NKAIN2: variants seen among roughly 807,000 people sequenced by gnomAD.
The protein encoded by NKAIN2 is sodium/potassium-transporting ATPase subunit beta-1-interacting protein 2.
A neutral mutation model predicts 32.6 loss-of-function variants in NKAIN2; 14 were observed. The ratio of observed to expected loss-of-function variants is 0.43; its 90% CI spans 0.28 to 0.67. The LOEUF is 0.67. Among genes scored for constraint, NKAIN2 ranks in the 30% least tolerant of loss-of-function variants. NKAIN2 has a pLI of 0.17. For missense variants in NKAIN2, 198 were observed against 258.3 expected (o/e 0.77, Z 1.60); for synonymous variants, 80 against 87.2 (o/e 0.92, Z 0.46).
chr6:124,058,980 T>A (rs527428801), intron 1 of NKAIN2, among the ~76,000 whole-genome samples: 4 of 152,034 alleles, frequency 2.6e-5, no homozygotes, highest in African/African-American at 9.6e-5. Context: ...GTACTATTAA[T>A]AATAAGTTAG....
chr6:124,082,564 T>A (rs971478037), intron 1 of NKAIN2, among the ~76,000 whole-genome samples: 1 of 151,868 alleles, frequency 6.6e-6, no homozygotes, highest in Non-Finnish European at 1.5e-5. Flanking sequence ...TTAAAATTTT[T>A]AAAAAAACAT....
At chr6:124,600,431 G>C (rs11154249) in intron 3 of NKAIN2, among the ~76,000 whole-genome samples, 318 of 151,910 alleles carry the variant, frequency 2.1e-3, no homozygotes, top group African/African-American at 7.4e-3. Flanking sequence ...GATTTATATC[G>C]TATGAAACAT....
At chr6:124,244,436 C>T (rs1435058821) in intron 1 of NKAIN2, among the ~76,000 whole-genome samples, 1 of 151,868 alleles carries the variant, frequency 6.6e-6, no homozygotes, top group Non-Finnish European at 1.5e-5. Flanking sequence ...TTTTTTATGG[C>T]TGCATAGTAT....
chr6:124,125,147 C>G (rs1023800588), intron 1 of NKAIN2, among the ~76,000 whole-genome samples: 3 of 152,010 alleles, frequency 2.0e-5, no homozygotes, highest in Non-Finnish European at 4.4e-5. Flanking sequence ...AAGTCCTTTC[C>G]ATAAATAAAC....
At chr6:124,804,611 C>A (rs1780433945) in intron 5 of NKAIN2, 1 of 155,722 alleles carries the variant, frequency 6.4e-6, no homozygotes, top group African/African-American at 2.4e-5. Flanking sequence ...GTACCAGGTT[C>A]ATCTCACTAG....
chr6:123,828,179 C>A (rs1207226407), intron 1 of NKAIN2, among the ~76,000 whole-genome samples: 1 of 152,094 alleles, frequency 6.6e-6, no homozygotes, highest in East Asian at 1.9e-4. Flanking sequence ...TTAGGCTTAT[C>A]ATGATTTTTC....
intron 1 of NKAIN2, among the ~76,000 whole-genome samples, chr6:124,147,713 C>G (rs1019350410): frequency 6.6e-6 from 1 of 152,140 alleles, no homozygotes; most frequent in Admixed American, 6.5e-5. Flanking sequence ...TGAAACATCT[C>G]CAGCTGATAC....
chr6:124,201,381 T>TC (rs1790579223), intron 1 of NKAIN2, among the ~76,000 whole-genome samples: 1 of 152,034 alleles, frequency 6.6e-6, no homozygotes, highest in Non-Finnish European at 1.5e-5. Flanking sequence ...TTTAAAGGCA[T>TC]CCTTTAGCAT....
chr6:124,565,143 A>G (rs1780861157), intron 3 of NKAIN2, among the ~76,000 whole-genome samples: 1 of 152,170 alleles, frequency 6.6e-6, no homozygotes, highest in African/African-American at 2.4e-5. Flanking sequence ...CTCACAGGGC[A>G]ATAGAGGTAT....
intron 1 of NKAIN2, among the ~76,000 whole-genome samples, chr6:124,271,091 GT>G (rs911964019): frequency 6.6e-6 from 1 of 152,132 alleles, no homozygotes; most frequent in African/African-American, 2.4e-5. Context: ...ATAAGTGGCA[GT>G]TTTTTTCTTT....
intron 1 of NKAIN2, among the ~76,000 whole-genome samples, chr6:124,133,300 A>AGGG: frequency 6.6e-6 from 1 of 152,156 alleles, no homozygotes; most frequent in Non-Finnish European, 1.5e-5. Context: ...ATAGATGAAA[A>AGGG]GAGGTGCCTG....
intron 3 of NKAIN2, among the ~76,000 whole-genome samples, chr6:124,401,233 G>A (rs1773610712): frequency 6.6e-6 from 1 of 152,036 alleles, no homozygotes; most frequent in Non-Finnish European, 1.5e-5. Flanking sequence ...TGAAATTGCT[G>A]GGAAGGTATG....
chr6:124,404,621 A>ATT (rs574761933), intron 3 of NKAIN2, among the ~76,000 whole-genome samples: 4 of 151,468 alleles, frequency 2.6e-5, no homozygotes, highest in Non-Finnish European at 5.9e-5. Flanking sequence ...AGTCTTAATG[A>ATT]TTTTTTTTTA....
intron 1 of NKAIN2, among the ~76,000 whole-genome samples, chr6:123,807,011 G>T (rs546281095): frequency 6.6e-6 from 1 of 152,002 alleles, no homozygotes; most frequent in African/African-American, 2.4e-5. Context: ...GACCAGACAC[G>T]GTGTTTTGAC....
intron 1 of NKAIN2, among the ~76,000 whole-genome samples, chr6:124,225,027 C>A (rs905649622): frequency 6.6e-6 from 1 of 152,070 alleles, no homozygotes; most frequent in African/African-American, 2.4e-5. Flanking sequence ...AGATACATAT[C>A]CTGTAGCTGC....
chr6:124,166,340 C>A lies in NKAIN2; in HGVS notation c.55-116665C>A, dbSNP rs1452764504. Reference sequence around the variant, plus strand: ...CTTTTGAGAAGTGTCTGTTCATTTCCTTCGCCCACTTGTTGATGGGGTTGT... The same window carrying A: ...CTTTTGAGAAGTGTCTGTTCATTTCATTCGCCCACTTGTTGATGGGGTTGT... On this transcript the variant is annotated intron_variant, in intron 1 of 6. Coordinates refer to ENST00000368417, the MANE Select transcript of NKAIN2 (RefSeq NM_001040214.3). Among the ~76,000 whole-genome samples the A allele has an allele frequency of 3.3e-5, 5 of 152,112 alleles. No homozygotes were observed. In the South Asian group the frequency reaches 1.0e-3, roughly 32 times the overall value.
chr6:124,001,879 G>A (rs1280633344), intron 1 of NKAIN2, among the ~76,000 whole-genome samples: 2 of 148,652 alleles, frequency 1.3e-5, no homozygotes, highest in African/African-American at 5.0e-5. Context: ...ACTCAAAGGA[G>A]GAACATTATT....
intron 5 of NKAIN2, among the ~76,000 whole-genome samples, chr6:124,811,243 G>A (rs1309415913): frequency 6.6e-6 from 1 of 152,024 alleles, no homozygotes; most frequent in Admixed American, 6.6e-5. Context: ...TAAATATTCA[G>A]GCTTAGCTTC....
intron 1 of NKAIN2, among the ~76,000 whole-genome samples, chr6:124,040,580 T>G (rs1007459526): frequency 2.0e-5 from 3 of 152,036 alleles, no homozygotes; most frequent in African/African-American, 7.2e-5. Flanking sequence ...TTATTATTAT[T>G]AGCAACCATT....
Sources: gnomAD v4.1 joint callset for allele counts (sites outside exome capture counted in the v4.1 genomes callset) on GRCh38, gnomAD v4.1.1 for gene constraint, MANE v1.5 for transcripts, NCBI Gene and HGNC (gene_info 2026-07-23, HGNC 2026-07-21) for gene names.